The following MON2 variants were observed in gnomAD, a reference collection of about 807,000 sequenced individuals.
MON2 encodes MON2 regulator of endosome-to-Golgi trafficking, also known as protein MON2 homolog.
MON2 carries 84 observed loss-of-function variants against 208.6 expected under a neutral mutation model. The observed-to-expected ratio is 0.40, with a 90% confidence interval of 0.34 to 0.48. MON2 has a LOEUF of 0.48. MON2 is among the 20% of genes least tolerant of loss of function. The pLI is 0.59. For synonymous variants in MON2, 660 were observed against 694.0 expected (o/e 0.95, Z 0.77); for missense variants, 1,611 against 2,015.4 (o/e 0.80, Z 3.84).
intron 1 of MON2, among the ~76,000 whole-genome samples, chr12:62,476,465 C>T (rs796787133): frequency 2.7e-5 from 4 of 150,230 alleles, no homozygotes; most frequent in Non-Finnish European, 4.4e-5. Context: ...GGCAGAGTCT[C>T]GCTCCATTGC....
At chr12:62,545,507 A>G (rs1302983086) in intron 21 of MON2, 2 of 152,156 alleles carry the variant, frequency 1.3e-5, no homozygotes, top group African/African-American at 2.4e-5. Context: ...CCACTTTTTA[A>G]AAAGTCTACC....
At chr12:62,526,941 A>G (rs180895979) in intron 11 of MON2, among the ~76,000 whole-genome samples, 3 of 152,136 alleles carry the variant, frequency 2.0e-5, no homozygotes, top group Non-Finnish European at 4.4e-5. Context: ...AGTCTGGCCA[A>G]TGTGGTGAAA....
At chr12:62,520,673 G>A (rs2071980374) in intron 8 of MON2, among the ~76,000 whole-genome samples, 1 of 151,716 alleles carries the variant, frequency 6.6e-6, no homozygotes, top group Non-Finnish European at 1.5e-5. Flanking sequence ...AGTGGCTCAC[G>A]CCTGTAATCC....
chr12:62,565,672 A>G (rs2074353129), intron 27 of MON2, among the ~76,000 whole-genome samples: 1 of 152,062 alleles, frequency 6.6e-6, no homozygotes, highest in African/African-American at 2.4e-5. Context: ...GTTCCTTTGT[A>G]CCTCTTTCTT....
chr12:62,566,483 A>G, intron 29 of MON2, 33 bp downstream of exon 29: 1 of 1,584,732 alleles, frequency 6.3e-7, no homozygotes, highest in East Asian at 2.2e-5. Flanking sequence ...CTTTCATTAG[A>G]TGGTGTGAAC....
intron 1 of MON2, among the ~76,000 whole-genome samples, chr12:62,469,115 C>CTTTTT (rs564958691): frequency 8.8e-6 from 1 of 113,552 alleles, no homozygotes; most frequent in African/African-American, 3.5e-5. Flanking sequence ...AATTTTTCGC[C>CTTTTT]TTTTTTTTTT....
In MON2 at chr12:62,541,374, CAAAAAAA is replaced by C. The variant is rs34466096; in HGVS notation, c.2365-1711_2365-1705del. Among the ~76,000 whole-genome samples, 8 of 108,822 alleles carry C rather than the reference CAAAAAAA, an allele frequency of 7.4e-5. No homozygotes were observed. In the East Asian group the frequency reaches 2.2e-3, roughly 30 times the overall value. 71.4% of individuals were successfully genotyped at this position (108,822 alleles called of 152,430 possible). On this transcript the variant is annotated intron_variant, in intron 19 of 34. Coordinates refer to ENST00000393630, the MANE Select transcript of MON2 (RefSeq NM_015026.3). ...TGGGCAACAGAGTGAAACTCTGTCT[CAAAAAAA>C]AAAAAAAAAAAGATAAAGCTTGCAA...
intron 15 of MON2, 38 bp downstream of exon 15, chr12:62,537,301 A>C: frequency 7.0e-7 from 1 of 1,435,228 alleles, no homozygotes; most frequent in Non-Finnish European, 9.7e-7. Flanking sequence ...TCAATTAGCT[A>C]TCAAGGAAAC....
At position 62,579,987 on chromosome 12, in the gene MON2, G is replaced by A. The variant is rs1033889895; in HGVS notation, c.4576-310G>A. ...TTTGAATATTTTAATTCTAACATGGGTAAATTTCATATGCTATTTTTCTCT... is the reference window on the plus strand; with the variant it reads ...TTTGAATATTTTAATTCTAACATGGATAAATTTCATATGCTATTTTTCTCT... On this transcript the variant is annotated intron_variant, in intron 31 of 34. Transcript: ENST00000393630. 6.6e-5 allele frequency among the ~76,000 whole-genome samples: 10 copies of A among 152,184 alleles called. No homozygotes were observed. In the East Asian group the frequency reaches 1.9e-3, roughly 29 times the overall value.
chr12:62,478,121 T>TTGTGTG (rs59861392), intron 1 of MON2, among the ~76,000 whole-genome samples: 16,851 of 149,722 alleles, frequency 0.11, 1,151 homozygotes, highest in Middle Eastern at 0.24. Flanking sequence ...TAGATATAAT[T>TTGTGTG]TGTGTGTGTG....
chr12:62,522,323 C>T (rs1324138543), intron 8 of MON2, among the ~76,000 whole-genome samples: 1 of 152,236 alleles, frequency 6.6e-6, no homozygotes, highest in Non-Finnish European at 1.5e-5. Flanking sequence ...AACAAAAGAT[C>T]TCATCACTAC....
At chr12:62,504,213 A>G (rs2070983508) in intron 7 of MON2, among the ~76,000 whole-genome samples, 1 of 150,478 alleles carries the variant, frequency 6.6e-6, no homozygotes, top group African/African-American at 2.4e-5. Context: ...AAAGATTTGA[A>G]ACCGTTTTTA....
At chr12:62,493,034 C>T (rs1263244968) in intron 2 of MON2, among the ~76,000 whole-genome samples, 1 of 148,638 alleles carries the variant, frequency 6.7e-6, no homozygotes, top group African/African-American at 2.4e-5. Flanking sequence ...CACACATACA[C>T]ACATACACAC....
chr12:62,513,156 A>G (rs763229728), intron 8 of MON2, among the ~76,000 whole-genome samples: 5 of 152,184 alleles, frequency 3.3e-5, no homozygotes, highest in Non-Finnish European at 7.3e-5. Context: ...GGTGATTAAC[A>G]TTCAGCTCCT....
In MON2 at chr12:62,597,644, A is replaced by AT. The variant is rs1187812267; in HGVS notation, c.*4897dup. 4 of 152,230 alleles carry AT rather than the reference A, an allele frequency of 2.6e-5. No individual in the cohort carries two copies. Among genetic ancestry groups the AT allele is most frequent in the African/African-American group, 9.6e-5 (4 of 41,454 alleles). The allele number at this position is 152,230 out of a possible 1,614,324, so 9.4% of individuals were successfully genotyped here. ...GCAGCCAAGATGCTCACAAAATGGGATTGCTATAAATATGATGGATTCAGC... is the reference window on the plus strand; with the variant it reads ...GCAGCCAAGATGCTCACAAAATGGGATTTGCTATAAATATGATGGATTCAGC... On this transcript the variant is annotated 3_prime_UTR_variant, in exon 35 of 35. Transcript: ENST00000393630.
At chr12:62,532,383 T>G in intron 11 of MON2, 55 bp from the exon 12 acceptor site, 1 of 1,226,712 alleles carries the variant, frequency 8.2e-7, no homozygotes, top group Non-Finnish European at 1.2e-6. Flanking sequence ...AATAGTTTTA[T>G]GTATTTTTTT....
At position 62,499,066 on chromosome 12, in the gene MON2, G is replaced by T; in HGVS notation, c.565+18G>T. Reference sequence around the variant, plus strand: ...ACACAGAGGTAAAGTGCTAGAAGTTGTTTTACTTTGTGGGTGGTTCTTGGA... The same window carrying T: ...ACACAGAGGTAAAGTGCTAGAAGTTTTTTTACTTTGTGGGTGGTTCTTGGA... On this transcript the variant is annotated intron_variant, in intron 5 of 34. Coordinates refer to ENST00000393630, the MANE Select transcript of MON2 (RefSeq NM_015026.3). 6.9e-6 allele frequency: 11 copies of T among 1,604,704 alleles called. No individual in the cohort carries two copies. Among genetic ancestry groups the T allele is most frequent in the Non-Finnish European group, 8.5e-6 (10 of 1,176,602 alleles).
intron 1 of MON2, chr12:62,482,589 T>A (rs2069512386): frequency 1.3e-5 from 2 of 152,230 alleles, no homozygotes; most frequent in Non-Finnish European, 2.9e-5. Flanking sequence ...TAACAGTGTA[T>A]GTATAAAATA....
intron 25 of MON2, among the ~76,000 whole-genome samples, chr12:62,557,951 TATATATATATA>T (rs1442522933): frequency 1.1e-4 from 3 of 27,430 alleles, no homozygotes; most frequent in Non-Finnish European, 1.8e-4. Context: ...TATATATATA[TATATATATATA>T]TTTTTTTTTT....
Sources: gnomAD v4.1 joint callset for allele counts (sites outside exome capture counted in the v4.1 genomes callset) on GRCh38, gnomAD v4.1.1 for gene constraint, MANE v1.5 for transcripts, NCBI Gene and HGNC (gene_info 2026-07-23, HGNC 2026-07-21) for gene names.